Variants in COLQ observed in about 807,000 individuals in gnomAD.
COLQ encodes the protein acetylcholinesterase collagenic tail peptide.
In COLQ, 48 loss-of-function variants were observed where a neutral mutation model predicts 69.0. That is an observed-to-expected ratio of 0.70 (90% confidence interval 0.55 to 0.88). The LOEUF is 0.88. Among genes scored for constraint, COLQ ranks in the 40% least tolerant of loss-of-function variants. COLQ has a pLI of 0.00. For missense variants in COLQ, 618 were observed against 594.6 expected (o/e 1.04, Z -0.41); for synonymous variants, 217 against 211.2 (o/e 1.03, Z -0.24).
At chr3:15,484,131 T>C (rs1350018464) in intron 3 of COLQ, among the ~76,000 whole-genome samples, 7 of 152,236 alleles carry the variant, frequency 4.6e-5, no homozygotes, top group Non-Finnish European at 1.0e-4. Flanking sequence ...ATGGGTCTCC[T>C]GAATACAGCA....
At chr3:15,482,450 T>C (rs550146287) in intron 3 of COLQ, among the ~76,000 whole-genome samples, 2 of 152,362 alleles carry the variant, frequency 1.3e-5, no homozygotes, top group South Asian at 2.1e-4. Flanking sequence ...AGGCCTTTCC[T>C]GAATCTATTG....
chr3:15,516,884 G>A (rs1001558589), intron 1 of COLQ, among the ~76,000 whole-genome samples: 2 of 152,352 alleles, frequency 1.3e-5, no homozygotes, highest in East Asian at 1.9e-4. Flanking sequence ...CGTGGTGGCT[G>A]TAATCCCAGC....
At position 15,450,413 on chromosome 3, in the gene COLQ, AAG is replaced by A. The variant is rs1460988515; in HGVS notation, c.*1229_*1230del. On this transcript the variant is annotated 3_prime_UTR_variant, in exon 17 of 17. Transcript: ENST00000383788. ...ATTAAATAGCTTCGTACAAAAACCC[AAG>A]GGTGTCCCTCCAGCTGGTAAAAATT... is the stretch of plus-strand genomic sequence containing the variant. The A allele has an allele frequency of 6.5e-6, 1 of 153,700 alleles. No homozygotes were observed. Among genetic ancestry groups the A allele is most frequent in the Non-Finnish European group, 1.5e-5 (1 of 68,038 alleles). The allele number at this position is 153,700 out of a possible 1,614,324, so 9.5% of individuals were successfully genotyped here. A position where few individuals can be genotyped will look rare whatever the true frequency, so the allele number is the denominator to read the frequency against.
intron 3 of COLQ, among the ~76,000 whole-genome samples, chr3:15,485,505 TG>T (rs2062559093): frequency 6.6e-6 from 1 of 152,222 alleles, no homozygotes; most frequent in African/African-American, 2.4e-5. Context: ...CCTATTCGGC[TG>T]TCTTGGAACC....
chr3:15,494,249 T>C (rs976430501), intron 1 of COLQ, among the ~76,000 whole-genome samples: 5 of 151,994 alleles, frequency 3.3e-5, no homozygotes, highest in African/African-American at 1.2e-4. Context: ...TGGAGAACAC[T>C]GTGTGCAAGG....
chr3:15,472,425 T>G (rs544607975), intron 10 of COLQ, among the ~76,000 whole-genome samples: 14 of 152,320 alleles, frequency 9.2e-5, no homozygotes, highest in African/African-American at 3.4e-4. Context: ...TTAAACACTT[T>G]CCACTGACTA....
chr3:15,478,891 T>C, intron 5 of COLQ, 86 bp downstream of exon 5: 1 of 1,533,940 alleles, frequency 6.5e-7, no homozygotes, highest in Non-Finnish European at 9.0e-7. Context: ...CTGAAGTGCA[T>C]TGCTGTTCCC....
chr3:15,478,817 A>C, intron 5 of COLQ, 160 bp downstream of exon 5: 3 of 837,982 alleles, frequency 3.6e-6, no homozygotes, highest in Non-Finnish European at 6.0e-6. Context: ...CAGAAAGGGC[A>C]AGGTTACTAC....
intron 16 of COLQ, among the ~76,000 whole-genome samples, chr3:15,451,957 C>A (rs1205931343): frequency 6.6e-6 from 1 of 152,168 alleles, no homozygotes; most frequent in African/African-American, 2.4e-5. Context: ...GTGAGGGAAT[C>A]CCCCTTGCTA....
chr3:15,456,620 C>T (rs1438679112), intron 13 of COLQ, 41 bp from the exon 14 acceptor site: 20 of 1,610,782 alleles, frequency 1.2e-5, no homozygotes, highest in Non-Finnish European at 1.6e-5. Flanking sequence ...GAAAACACTT[C>T]TGCAGGGGGC....
At position 15,450,249 on chromosome 3, in the gene COLQ, G is replaced by A. The variant is rs3274; in HGVS notation, c.*1395C>T. 57,512 of 152,990 alleles carry A rather than the reference G, an allele frequency of 0.38. 10,867 individuals carry two copies. Among genetic ancestry groups the A allele is most frequent in the East Asian group, 0.49 (2,535 of 5,174 alleles). 9.5% of individuals were successfully genotyped at this position (152,990 alleles called of 1,614,324 possible). A position where few individuals can be genotyped will look rare whatever the true frequency, so the allele number is the denominator to read the frequency against. On this transcript the variant is annotated 3_prime_UTR_variant, in exon 17 of 17. Coordinates refer to ENST00000383788, the MANE Select transcript of COLQ (RefSeq NM_005677.4). ...CTCGCAGTAGAGGCGAAGGGAACAG[G>A]GCTGCCCATGTGCCTGTCTCTAAAG...
intron 10 of COLQ, among the ~76,000 whole-genome samples, chr3:15,473,000 T>C (rs1288056872): frequency 2.6e-5 from 4 of 151,744 alleles, no homozygotes; most frequent in African/African-American, 9.7e-5. Context: ...GCTGGGACTA[T>C]AGGCATGTGC....
intron 6 of COLQ, 151 bp downstream of exon 6, chr3:15,476,975 T>C (rs1238574430): frequency 2.5e-6 from 2 of 802,900 alleles, no homozygotes; most frequent in African/African-American, 3.4e-5. Flanking sequence ...GGAGGAAGTA[T>C]CTGGGGCCCT....
chr3:15,492,459 G>A (rs2062683124), intron 1 of COLQ, among the ~76,000 whole-genome samples: 1 of 152,172 alleles, frequency 6.6e-6, no homozygotes, highest in South Asian at 2.1e-4. Flanking sequence ...GAGGTCAGGA[G>A]ATCGAGACCA....
chr3:15,479,909 G>C (rs1291510512), intron 3 of COLQ, among the ~76,000 whole-genome samples: 1 of 152,158 alleles, frequency 6.6e-6, no homozygotes, highest in African/African-American at 2.4e-5. Context: ...CAGGAAAAAA[G>C]TCTTCTTTTT....
intron 1 of COLQ, among the ~76,000 whole-genome samples, chr3:15,513,229 T>C (rs370255728): frequency 6.6e-6 from 1 of 152,306 alleles, no homozygotes; most frequent in East Asian, 1.9e-4. Context: ...GCTGCTGAGC[T>C]ATAACTGTTA....
chr3:15,475,336 C>A, intron 7 of COLQ, 89 bp downstream of exon 7: 1 of 1,264,378 alleles, frequency 7.9e-7, no homozygotes, highest in Non-Finnish European at 1.1e-6. Flanking sequence ...TCCGGGACTG[C>A]AGCCCCACCC....
rs139602208 is a variant in COLQ, at chr3:15,454,445, T to A, written c.1196-514A>T. On this transcript the variant is annotated intron_variant, in intron 15 of 16. Transcript: ENST00000383788. Reference sequence around the variant, plus strand: ...TGGAGTATGGATCCCAGCGTTGTTTTCACAGGGCAGGGACAGTCCATTAGT... The same window carrying A: ...TGGAGTATGGATCCCAGCGTTGTTTACACAGGGCAGGGACAGTCCATTAGT... Among the ~76,000 whole-genome samples the A allele has an allele frequency of 1.2e-3, 176 of 152,258 alleles. 1 individual carries two copies. The East Asian group carries it at 0.03, about 26-fold the overall frequency.
At chr3:15,479,477 C>T in intron 3 of COLQ, 95 bp from the exon 4 acceptor site, 4 of 1,226,918 alleles carry the variant, frequency 3.3e-6, no homozygotes, top group Middle Eastern at 2.1e-4. Flanking sequence ...ACAGCAGCAA[C>T]ATCATTCTCT....
Sources: allele counts gnomAD v4.1 joint callset (sites outside exome capture counted in the v4.1 genomes callset), GRCh38; gene constraint gnomAD v4.1.1; transcripts MANE v1.5; gene names NCBI Gene and HGNC (gene_info 2026-07-23, HGNC 2026-07-21).